The following PLPP1 variants were observed in gnomAD, a reference collection of about 807,000 sequenced individuals.
PLPP1 encodes phospholipid phosphatase 1.
Under a neutral mutation model 31.2 loss-of-function variants are expected in PLPP1, and 24 were observed. That is an observed-to-expected ratio of 0.77 (90% confidence interval 0.56 to 1.08). PLPP1 has a LOEUF of 1.08. PLPP1 is among the 50% of genes least tolerant of loss of function. The pLI, the probability that PLPP1 is intolerant of heterozygous loss-of-function variation, is 0.00. For synonymous variants in PLPP1, 146 were observed against 126.3 expected (o/e 1.16, Z -1.05); for missense variants, 319 against 342.7 (o/e 0.93, Z 0.55).
intron 1 of PLPP1, among the ~76,000 whole-genome samples, chr5:55,516,915 C>A (rs929081686): frequency 1.3e-5 from 2 of 152,204 alleles, no homozygotes; most frequent in African/African-American, 4.8e-5. Context: ...CTTACATAAA[C>A]ATAATGGTAG....
chr5:55,433,197 C>T (rs1222692217), intron 4 of PLPP1, among the ~76,000 whole-genome samples: 6 of 150,436 alleles, frequency 4.0e-5, no homozygotes, highest in Non-Finnish European at 5.9e-5. Context: ...GTGGCATGTG[C>T]CTGTGGTCCC....
intron 3 of PLPP1, among the ~76,000 whole-genome samples, chr5:55,450,826 C>T (rs968168817): frequency 6.6e-6 from 1 of 152,158 alleles, no homozygotes; most frequent in Non-Finnish European, 1.5e-5. Flanking sequence ...TAACACCTTG[C>T]CCACCACCCA....
At chr5:55,484,377 A>G (rs1007471246) in intron 1 of PLPP1, 1 of 152,120 alleles carries the variant, frequency 6.6e-6, no homozygotes, top group African/African-American at 2.4e-5. Flanking sequence ...AGTCTTGAGT[A>G]AAGTTTTCCT....
intron 4 of PLPP1, among the ~76,000 whole-genome samples, chr5:55,440,197 G>A (rs1054381733): frequency 7.2e-5 from 11 of 152,154 alleles, no homozygotes; most frequent in African/African-American, 2.7e-4. Context: ...ACACAGACAG[G>A]TGAGCGAAAA....
At chr5:55,523,825 A>C (rs1482490406) in intron 1 of PLPP1, among the ~76,000 whole-genome samples, 1 of 152,054 alleles carries the variant, frequency 6.6e-6, no homozygotes, top group Non-Finnish European at 1.5e-5. Flanking sequence ...TTGTTCCTTA[A>C]ATCTCAAGTC....
At chr5:55,512,517 AAAGAAAG>A (rs1349205663) in intron 1 of PLPP1, among the ~76,000 whole-genome samples, 69 of 5,246 alleles carry the variant, frequency 0.013, no homozygotes, top group East Asian at 0.082. Context: ...AAAAGAAAAG[AAAGAAAG>A]AAAGAAAGAA....
intron 4 of PLPP1, 70 bp downstream of exon 4, chr5:55,441,781 G>A: frequency 6.8e-7 from 1 of 1,479,626 alleles, no homozygotes; most frequent in Non-Finnish European, 9.4e-7. Context: ...GACAGGTGAG[G>A]ACACTGATGC....
At chr5:55,478,707 A>C (rs1378600950) in intron 1 of PLPP1, among the ~76,000 whole-genome samples, 4 of 152,142 alleles carry the variant, frequency 2.6e-5, no homozygotes, top group Non-Finnish European at 4.4e-5. Flanking sequence ...GTCAGGAGAC[A>C]GTGACCTCAC....
chr5:55,446,804 C>G (rs1751775000), intron 3 of PLPP1, among the ~76,000 whole-genome samples: 1 of 152,164 alleles, frequency 6.6e-6, no homozygotes, highest in South Asian at 2.1e-4. Flanking sequence ...TTAATAGCTC[C>G]CACGGGGAGG....
chr5:55,461,152 G>A (rs965721549), intron 3 of PLPP1, among the ~76,000 whole-genome samples: 5 of 152,166 alleles, frequency 3.3e-5, no homozygotes, highest in East Asian at 3.9e-4. Context: ...CCAAGATCAC[G>A]CCACTGTACT....
At chr5:55,511,826 G>A (rs1753420110) in intron 1 of PLPP1, among the ~76,000 whole-genome samples, 1 of 150,914 alleles carries the variant, frequency 6.6e-6, no homozygotes, top group Non-Finnish European at 1.5e-5. Context: ...ACCACGCCCA[G>A]CTAATTTTTT....
At chr5:55,464,396 C>T (rs1012365477) in intron 3 of PLPP1, among the ~76,000 whole-genome samples, 1 of 152,012 alleles carries the variant, frequency 6.6e-6, no homozygotes, top group African/African-American at 2.4e-5. Flanking sequence ...CACCACACCT[C>T]GCTAATTTCT....
At chr5:55,433,788 T>C (rs914786039) in intron 4 of PLPP1, among the ~76,000 whole-genome samples, 2 of 150,948 alleles carry the variant, frequency 1.3e-5, no homozygotes, top group African/African-American at 4.9e-5. Flanking sequence ...TGAGGCACCA[T>C]GCCCCCAAAT....
Position 55,467,934 on chromosome 5 carries a change from G to C in PLPP1, c.426C>G (p.Asn142Lys). 1 of 1,614,176 alleles carries C rather than the reference G, an allele frequency of 6.2e-7. No individual in the cohort carries two copies. The highest frequency in any genetic ancestry group is 2.2e-5 in the East Asian group (1 of 44,880). The change falls in exon 3 of 6, where the codon AAC becomes AAG. Residue 142 changes from asparagine to lysine, a missense_variant. Transcript: ENST00000307259. ...AGTATTCAATGTAACCATCGCTGCAGTTGATTTTTGACCAATCTGGATCAC... is the reference window on the plus strand; with the variant it reads ...AGTATTCAATGTAACCATCGCTGCACTTGATTTTTGACCAATCTGGATCAC... The part of the protein sequence containing the change: ...DVCDPDWSKI[N>K]CSDGYIEYYI...
chr5:55,497,304 G>A lies in PLPP1; in HGVS notation c.59-21854C>T, dbSNP rs540734674. On this transcript the variant is annotated intron_variant, in intron 1 of 5. Coordinates refer to ENST00000307259, the MANE Select transcript of PLPP1 (RefSeq NM_003711.4). ...TCTGTCACCTAGGGTGGAGTCCAGT[G>A]GTAGGATCATAGTTCATTGTAACCT... 8.5e-5 allele frequency among the ~76,000 whole-genome samples: 13 copies of A among 152,202 alleles called. No individual in the cohort carries two copies. In the East Asian group the frequency reaches 2.3e-3, roughly 27 times the overall value.
intron 3 of PLPP1, among the ~76,000 whole-genome samples, chr5:55,445,591 C>T (rs1180483014): frequency 8.1e-6 from 1 of 123,718 alleles, no homozygotes; most frequent in African/African-American, 3.2e-5. Flanking sequence ...GTCACCCAGG[C>T]TGGAGTTCAG....
At chr5:55,476,990 C>T (rs1752563313) in intron 1 of PLPP1, among the ~76,000 whole-genome samples, 1 of 151,438 alleles carries the variant, frequency 6.6e-6, no homozygotes, top group Non-Finnish European at 1.5e-5. Context: ...CTTTAAGATG[C>T]TACAAGGTTC....
intron 4 of PLPP1, among the ~76,000 whole-genome samples, chr5:55,435,822 G>A (rs934407465): frequency 8.6e-5 from 13 of 151,962 alleles, no homozygotes; most frequent in Admixed American, 4.6e-4. Context: ...CAACCCCGAC[G>A]CCTCAGAAGG....
chr5:55,482,167 T>C (rs1022220517), intron 1 of PLPP1, among the ~76,000 whole-genome samples: 1 of 148,906 alleles, frequency 6.7e-6, no homozygotes, highest in Non-Finnish European at 1.5e-5. Flanking sequence ...ACATATCTCA[T>C]ACATATATAT....
Sources: gnomAD v4.1 joint callset for allele counts (sites outside exome capture counted in the v4.1 genomes callset) on GRCh38, gnomAD v4.1.1 for gene constraint, MANE v1.5 for transcripts, NCBI Gene and HGNC (gene_info 2026-07-23, HGNC 2026-07-21) for gene names.